The following SLC5A4 variants were observed in gnomAD, a reference collection of about 807,000 sequenced individuals.
The protein encoded by SLC5A4 is probable glucose sensor protein SLC5A4.
A neutral mutation model predicts 70.3 loss-of-function variants in SLC5A4; 55 were observed. The observed-to-expected ratio is 0.78, with a 90% CI of 0.63 to 0.98. The LOEUF (loss-of-function observed/expected upper bound fraction) is 0.98, where lower values mean the gene tolerates loss of function less well. Ranked by LOEUF, SLC5A4 falls within the 50% of genes least tolerant of loss-of-function variation. The pLI is 0.00. For synonymous variants in SLC5A4, 268 were observed against 305.7 expected (o/e 0.88, Z 1.29); for missense variants, 735 against 839.2 (o/e 0.88, Z 1.53).
chr22:32,333,381 G>C, the SLC5A4 span, among the ~76,000 whole-genome samples: 1 of 152,210 alleles, frequency 6.6e-6, no homozygotes, highest in African/African-American at 2.4e-5. Context: ...GCTCGCCAAG[G>C]GGCCAGAGTG....
At chr22:32,329,532 G>C in the SLC5A4 span, among the ~76,000 whole-genome samples, 1 of 150,114 alleles carries the variant, frequency 6.7e-6, no homozygotes, top group Non-Finnish European at 1.5e-5. Flanking sequence ...TTTCTTGGGG[G>C]GGCTCTGTGT....
Position 32,254,168 on chromosome 22 carries a change from C to G in SLC5A4, c.181G>C (p.Ala61Pro). 1 of 1,613,906 alleles carries G rather than the reference C, an allele frequency of 6.2e-7. No homozygotes were observed. The highest frequency in any genetic ancestry group is 1.1e-5 in the South Asian group (1 of 91,080). Residue 61 changes from alanine to proline, a missense_variant, in exon 2 of 15, where the codon GCT becomes CCT. By Grantham distance (27) the Ala-to-Pro change is conservative. Coordinates refer to ENST00000266086, the MANE Select transcript of SLC5A4 (RefSeq NM_014227.3). ...GGCCACCAGGCCATATCACGACCAG[C>G]GAGGAAGAAGCCTCCTATAGTACCT... ...NRGTIGGFFL[A>P]GRDMAWWPMG...
the SLC5A4 span, among the ~76,000 whole-genome samples, chr22:32,280,589 T>C: frequency 6.6e-6 from 1 of 152,194 alleles, no homozygotes; most frequent in African/African-American, 2.4e-5. Flanking sequence ...CCTATGCTGC[T>C]GTGTATAGGT....
chr22:32,220,606 G>A (rs1925017067), intron 14 of SLC5A4, among the ~76,000 whole-genome samples: 1 of 152,202 alleles, frequency 6.6e-6, no homozygotes, highest in African/African-American at 2.4e-5. Context: ...TGGAGAGAAG[G>A]TGGGGCTAGA....
At chr22:32,329,668 G>C in the SLC5A4 span, among the ~76,000 whole-genome samples, 1 of 96,164 alleles carries the variant, frequency 1.0e-5, no homozygotes, top group Non-Finnish European at 2.1e-5. Context: ...TCTGGTGTGT[G>C]TGTGTTGGGG....
the SLC5A4 span, chr22:32,273,157 C>T: frequency 2.4e-6 from 1 of 410,574 alleles, no homozygotes. Flanking sequence ...CCTCCCACCA[C>T]CTTTTTTGAA....
chr22:32,332,199 TCTC>T, the SLC5A4 span, among the ~76,000 whole-genome samples: 1 of 152,014 alleles, frequency 6.6e-6, no homozygotes, highest in African/African-American at 2.4e-5. Context: ...CTCCTGTCAC[TCTC>T]CTCGAGGGCA....
At chr22:32,251,654 C>T (rs1927167137) in intron 3 of SLC5A4, 116 bp downstream of exon 3, 1 of 731,990 alleles carries the variant, frequency 1.4e-6, no homozygotes. Flanking sequence ...GTCAGAGATA[C>T]ATTTCTGTTC....
the SLC5A4 span, among the ~76,000 whole-genome samples, chr22:32,275,874 A>C: frequency 6.6e-6 from 1 of 152,094 alleles, no homozygotes; most frequent in Admixed American, 6.5e-5. Context: ...CCTCTCCAGC[A>C]CCTGTTGTTT....
At chr22:32,237,482 T>TC (rs1340671370) in intron 6 of SLC5A4, among the ~76,000 whole-genome samples, 158 bp from the exon 7 acceptor site, 1 of 152,230 alleles carries the variant, frequency 6.6e-6, no homozygotes, top group African/African-American at 2.4e-5. Context: ...GGCATCATGA[T>TC]CTCCTCAGCA....
intron 1 of SLC5A4, 103 bp from the exon 2 acceptor site, chr22:32,254,316 T>C: frequency 1.3e-6 from 1 of 763,282 alleles, no homozygotes; most frequent in Non-Finnish European, 2.3e-6. Flanking sequence ...TCAGCACTCC[T>C]ACAGAGAGAA....
intron 4 of SLC5A4, 116 bp from the exon 5 acceptor site, chr22:32,247,631 G>A (rs1352750054): frequency 2.9e-6 from 2 of 698,372 alleles, no homozygotes; most frequent in Non-Finnish European, 5.2e-6. Context: ...CCCCTTCCTG[G>A]TGATGGAACC....
At chr22:32,342,107 A>G in the SLC5A4 span, among the ~76,000 whole-genome samples, 3 of 152,242 alleles carry the variant, frequency 2.0e-5, no homozygotes, top group African/African-American at 7.2e-5. Flanking sequence ...TGCTAAATAA[A>G]TGGTAGCAGG....
the SLC5A4 span, among the ~76,000 whole-genome samples, chr22:32,280,208 G>A: frequency 6.6e-6 from 1 of 152,030 alleles, no homozygotes; most frequent in Non-Finnish European, 1.5e-5. Flanking sequence ...TAGAGACAGG[G>A]TTTCCCCATA....
chr22:32,271,732 C>T, the SLC5A4 span: 3 of 588,340 alleles, frequency 5.1e-6, no homozygotes, highest in Non-Finnish European at 9.5e-6. Context: ...TCGCTCTGTT[C>T]CACAATGTCA....
the SLC5A4 span, among the ~76,000 whole-genome samples, chr22:32,313,926 C>T: frequency 6.6e-6 from 1 of 152,182 alleles, no homozygotes; most frequent in African/African-American, 2.4e-5. Context: ...CCCTGGACTG[C>T]CCCCTCCACA....
the SLC5A4 span, among the ~76,000 whole-genome samples, chr22:32,308,341 G>A: frequency 6.6e-6 from 1 of 152,164 alleles, no homozygotes; most frequent in East Asian, 1.9e-4. Flanking sequence ...GATAGACACG[G>A]TGATTGCGAA....
At chr22:32,346,054 T>C in the SLC5A4 span, among the ~76,000 whole-genome samples, 4 of 152,176 alleles carry the variant, frequency 2.6e-5, no homozygotes, top group Admixed American at 6.5e-5. Context: ...ACAGATCTGC[T>C]AGAGGTAGAA....
At chr22:32,256,729 T>C (rs1390812019), upstream of SLC5A4, among the ~76,000 whole-genome samples, 1 of 152,254 alleles carries the variant, frequency 6.6e-6, no homozygotes, top group Non-Finnish European at 1.5e-5. Flanking sequence ...TTCATCCATA[T>C]TGTAGCATGT....
Sources: gnomAD v4.1 joint callset for allele counts (sites outside exome capture counted in the v4.1 genomes callset) on GRCh38, gnomAD v4.1.1 for gene constraint, MANE v1.5 for transcripts, NCBI Gene and HGNC (gene_info 2026-07-23, HGNC 2026-07-21) for gene names.